The following GCGR variants were observed in gnomAD, a reference collection of about 807,000 sequenced individuals.
GCGR encodes glucagon receptor.
In GCGR, 41 loss-of-function variants were observed where a neutral mutation model predicts 56.1. That is an observed-to-expected ratio of 0.73 (90% CI 0.57 to 0.95). The LOEUF (loss-of-function observed/expected upper bound fraction) is 0.95, where lower values mean the gene tolerates loss of function less well. Ranked by LOEUF, GCGR falls within the 40% of genes least tolerant of loss-of-function variation. The probability of loss-of-function intolerance (pLI) is 0.00; values close to 1 mark genes in which losing one functional copy is unlikely to be tolerated. For synonymous variants in GCGR, 278 were observed against 271.1 expected (o/e 1.03, Z -0.25); for missense variants, 595 against 638.2 (o/e 0.93, Z 0.73).
intron 1 of GCGR, among the ~76,000 whole-genome samples, chr17:81,808,068 C>T (rs1453436544): frequency 6.6e-6 from 1 of 152,378 alleles, no homozygotes; most frequent in East Asian, 1.9e-4. Flanking sequence ...ACGGCACCCA[C>T]GAGGCACCTA....
Position 81,812,546 on chromosome 17 carries a change from G to A in GCGR, c.949-31G>A, listed in dbSNP as rs936436802. ...CACAGAGCTGTTCCCTGGGGCTCGG[G>A]ATGCCCCTGACTCGCACCCTTCTCA... On this transcript the variant is annotated intron_variant, in intron 10 of 13. Coordinates refer to ENST00000400723, the MANE Select transcript of GCGR (RefSeq NM_000160.5). The surrounding 1 kb of genome is among the most constrained non-coding windows in gnomAD (Gnocchi z 8.5). The A allele has an allele frequency of 5.2e-6, 8 of 1,525,476 alleles. No individual in the cohort carries two copies. The African/African-American group carries it at 9.6e-5, about 18-fold the overall frequency. The allele number at this position is 1,525,476 out of a possible 1,614,324, so 94.5% of individuals were successfully genotyped here. A position where few individuals can be genotyped will look rare whatever the true frequency, so the allele number is the denominator to read the frequency against.
Position 81,813,331 on chromosome 17 carries a change from A to G in GCGR, c.1219-143A>G, listed in dbSNP as rs532423562. 118 of 895,998 alleles carry G rather than the reference A, an allele frequency of 1.3e-4. No homozygotes were observed. The East Asian group carries it at 3.1e-3, about 24-fold the overall frequency. 55.5% of individuals were successfully genotyped at this position (895,998 alleles called of 1,614,324 possible). On this transcript the variant is annotated intron_variant, in intron 13 of 13. Coordinates refer to ENST00000400723, the MANE Select transcript of GCGR (RefSeq NM_000160.5). The surrounding 1 kb of genome is among the most constrained non-coding windows in gnomAD (Gnocchi z 5.3). Reference sequence around the variant, plus strand: ...TTTCCGTGGCGATGCTGGGTGGCATAGCTGTGCCCAGCAGGGAGCTTGTGT... The same window carrying G: ...TTTCCGTGGCGATGCTGGGTGGCATGGCTGTGCCCAGCAGGGAGCTTGTGT...
chr17:81,813,527 A>G lies in GCGR; in HGVS notation c.1272A>G (p.Leu424=). The G allele has an allele frequency of 6.5e-7, 1 of 1,536,000 alleles. No individual in the cohort carries two copies. Among genetic ancestry groups the G allele is most frequent in the South Asian group, 1.2e-5 (1 of 84,056 alleles). Residue 424 remains leucine, a synonymous_variant, in exon 14 of 14, where the codon CTA becomes CTG. Coordinates refer to ENST00000400723, the MANE Select transcript of GCGR (RefSeq NM_000160.5). The surrounding 1 kb of genome is among the most constrained non-coding windows in gnomAD (Gnocchi z 5.3). ...ACCGCTGGCGCCTGGGCAAAGTGCTATGGGAGGAGCGGAACACCAGCAACC... is the reference window on the plus strand; with the variant it reads ...ACCGCTGGCGCCTGGGCAAAGTGCTGTGGGAGGAGCGGAACACCAGCAACC... ...RWHRWRLGKV[L]WEERNTSNHR...
chr17:81,812,805 A>G lies in GCGR; in HGVS notation c.1038-2A>G. The G allele has an allele frequency of 2.6e-6, 4 of 1,535,624 alleles. No homozygotes were observed. Among genetic ancestry groups the G allele is most frequent in the African/African-American group, 1.4e-5 (1 of 73,114 alleles). ...TGGGTGACTCAGGCGCTGCCTCTGC[A>G]GGCTGGCCAAGTCCACGCTGACCCT... On this transcript the variant is annotated splice_acceptor_variant, in intron 11 of 13. Transcript: ENST00000400723. LOFTEE classifies it high-confidence loss of function. This position sits in a 1 kb window ranked among gnomAD's most constrained non-coding sequence, Gnocchi z 8.5.
At position 81,813,764 on chromosome 17, in the gene GCGR, C is replaced by T. The variant is rs1472988506; in HGVS notation, c.*75C>T. On this transcript the variant is annotated 3_prime_UTR_variant, in exon 14 of 14. Transcript: ENST00000400723. This position sits in a 1 kb window ranked among gnomAD's most constrained non-coding sequence, Gnocchi z 5.3. ...CGCTGGACAACCCAGAACTGGACGC[C>T]CAGCTGAGGCTGGGGGCGGGGGAGC... 3 of 1,408,752 alleles carry T rather than the reference C, an allele frequency of 2.1e-6. No individual in the cohort carries two copies. In the African/African-American group the frequency reaches 4.3e-5, roughly 20 times the overall value. The allele number at this position is 1,408,752 out of a possible 1,614,324, so 87.3% of individuals were successfully genotyped here.
Position 81,812,283 on chromosome 17 carries a change from C to T in GCGR, c.948+31C>T. 2.0e-6 allele frequency: 3 copies of T among 1,533,824 alleles called. No homozygotes were observed. The highest frequency in any genetic ancestry group is 1.2e-5 in the South Asian group (1 of 83,962). On this transcript the variant is annotated intron_variant, in intron 10 of 13. Transcript: ENST00000400723. This position sits in a 1 kb window ranked among gnomAD's most constrained non-coding sequence, Gnocchi z 8.5. ...GAAATGAAGAGCCAGGAGCGCACCC[C>T]AGGCCCCTCCTCCCTTGGCGTCCTG...
chr17:81,809,724 T>C, intron 2 of GCGR, 58 bp from the exon 3 acceptor site: 2 of 1,355,972 alleles, frequency 1.5e-6, no homozygotes, highest in East Asian at 2.5e-5. Flanking sequence ...TCTGTCTGCC[T>C]GTCTGTCTGC....
rs2037909223 is a variant in GCGR, at chr17:81,804,588, GC to G, written c.-178+343del. 6.6e-6 allele frequency among the ~76,000 whole-genome samples: 1 copy of G among 151,940 alleles called. No individual in the cohort carries two copies. The highest frequency in any genetic ancestry group is 1.5e-5 in the Non-Finnish European group (1 of 67,914). On this transcript the variant is annotated intron_variant, in intron 1 of 13. Coordinates refer to ENST00000400723, the MANE Select transcript of GCGR (RefSeq NM_000160.5). The surrounding 1 kb of genome is among the most constrained non-coding windows in gnomAD (Gnocchi z 8.2). ...GCAGCGGCCACACTCCCCACTCAGG[GC>G]CCCGGGCCCCGCCGCCCTGGGGAGC...
rs943615688 is a variant in GCGR at position 81,804,678 on chromosome 17, G to C, written c.-178+429G>C. On this transcript the variant is annotated intron_variant, in intron 1 of 13. Coordinates refer to ENST00000400723, the MANE Select transcript of GCGR (RefSeq NM_000160.5). This position sits in a 1 kb window ranked among gnomAD's most constrained non-coding sequence, Gnocchi z 8.2. ...CTCACCAGCGCTGTCTCCCCTCGGT[G>C]GGCTCCTGCCCCGAGGACTGCCCGG... 3.3e-5 allele frequency among the ~76,000 whole-genome samples: 5 copies of C among 152,106 alleles called. No individual in the cohort carries two copies. The highest frequency in any genetic ancestry group is 9.7e-5 in the African/African-American group (4 of 41,426).
rs1333839810 is a variant in GCGR, at chr17:81,811,047, C to T, written c.309C>T (p.Asp103=). The change falls in exon 5 of 14, where the codon GAC becomes GAT. Residue 103 remains aspartate (D), a synonymous_variant. Transcript: ENST00000400723. The surrounding 1 kb of genome is among the most constrained non-coding windows in gnomAD (Gnocchi z 5.8). ...HRFVFKRCGP[D]GQWVRGPRGQ... ...TCGTGTTCAAGAGATGCGGGCCCGA[C>T]GGTCAGTGGGTGCGTGGACCCCGGG... 77 of 1,536,208 alleles carry T rather than the reference C, an allele frequency of 5.0e-5. 1 individual carries two copies. Among genetic ancestry groups the T allele is most frequent in the East Asian group, 4.2e-4 (17 of 40,908 alleles).
At chr17:81,807,191 C>T (rs140831290) in intron 1 of GCGR, among the ~76,000 whole-genome samples, 18,889 of 152,234 alleles carry the variant, frequency 0.12, 1,542 homozygotes, top group Admixed American at 0.2. Flanking sequence ...CCGCTGTCTC[C>T]GCCAGGGAGA....
In GCGR at chr17:81,812,018, G is replaced by A. The variant is rs2038112374; in HGVS notation, c.878+72G>A. 1 of 1,528,252 alleles carries A rather than the reference G, an allele frequency of 6.5e-7. No homozygotes were observed. Among genetic ancestry groups the A allele is most frequent in the South Asian group, 1.2e-5 (1 of 83,862 alleles). 94.7% of individuals were successfully genotyped at this position (1,528,252 alleles called of 1,614,324 possible). Reference sequence around the variant, plus strand: ...GGTGCGGCGCTCTGGCCTGAGGCAGGGAGGGGCCGGGGATGAGCCTGGTGC... The same window carrying A: ...GGTGCGGCGCTCTGGCCTGAGGCAGAGAGGGGCCGGGGATGAGCCTGGTGC... On this transcript the variant is annotated intron_variant, in intron 9 of 13. Transcript: ENST00000400723. The surrounding 1 kb of genome is among the most constrained non-coding windows in gnomAD (Gnocchi z 8.5).
Position 81,811,013 on chromosome 17 carries a change from A to G in GCGR, c.275A>G (p.Gln92Arg). Residue 92 changes from glutamine (Q) to arginine (R), a missense_variant, in exon 5 of 14, where the codon CAA (glutamine) becomes CGA (arginine). Coordinates refer to ENST00000400723, the MANE Select transcript of GCGR (RefSeq NM_000160.5). The surrounding 1 kb of genome is among the most constrained non-coding windows in gnomAD (Gnocchi z 5.8). ...PWYLPWHHKVQHRFVFKRCGP... is the reference protein window; with the variant it reads ...PWYLPWHHKVRHRFVFKRCGP... ...CAGCCTCCCCCCACACCCCCAGTGC[A>G]ACACCGCTTCGTGTTCAAGAGATGC... The G allele has an allele frequency of 6.5e-7, 1 of 1,535,962 alleles. No homozygotes were observed. Among genetic ancestry groups the G allele is most frequent in the South Asian group, 1.2e-5 (1 of 84,058 alleles).
chr17:81,805,990 A>G (rs761112458), intron 1 of GCGR, among the ~76,000 whole-genome samples: 63 of 152,240 alleles, frequency 4.1e-4, no homozygotes, highest in Non-Finnish European at 6.8e-4. Context: ...GGTGAGATCA[A>G]CAGAGGAGCC....
In GCGR at chr17:81,809,950, G is replaced by T. The variant is rs184752900; in HGVS notation, c.163+66G>T. On this transcript the variant is annotated intron_variant, in intron 3 of 13. Coordinates refer to ENST00000400723, the MANE Select transcript of GCGR (RefSeq NM_000160.5). ...TCAGCACTTCCTGAGTTCTCTTCAT[G>T]GGAAGGTTCCTGGGTGCTTATGCAG... 79 of 1,261,762 alleles carry T rather than the reference G, an allele frequency of 6.3e-5. No homozygotes were observed. The African/African-American group carries it at 1.1e-3, about 17-fold the overall frequency. The allele number at this position is 1,261,762 out of a possible 1,614,324, so 78.2% of individuals were successfully genotyped here. A position where few individuals can be genotyped will look rare whatever the true frequency, so the allele number is the denominator to read the frequency against.
At position 81,804,152 on chromosome 17, in the gene GCGR, T is replaced by A. The variant is rs1245114790; in HGVS notation, c.-275T>A. On this transcript the variant is annotated 5_prime_UTR_variant, in exon 1 of 14. Coordinates refer to ENST00000400723, the MANE Select transcript of GCGR (RefSeq NM_000160.5). The surrounding 1 kb of genome is among the most constrained non-coding windows in gnomAD (Gnocchi z 8.2). Reference sequence around the variant, plus strand: ...GCCGGAAAGTTTGCACCGACCCCGATCTGGCAGCGCCGCGAAGACGAGCGG... The same window carrying A: ...GCCGGAAAGTTTGCACCGACCCCGAACTGGCAGCGCCGCGAAGACGAGCGG... 4.0e-5 allele frequency: 6 copies of A among 151,046 alleles called. No individual in the cohort carries two copies. The highest frequency in any genetic ancestry group is 7.4e-5 in the Non-Finnish European group (5 of 67,626). 9.4% of individuals were successfully genotyped at this position (151,046 alleles called of 1,614,324 possible). A position where few individuals can be genotyped will look rare whatever the true frequency, so the allele number is the denominator to read the frequency against.
rs1181507240 is a variant in GCGR, at chr17:81,809,903, G to A, written c.163+19G>A. The A allele has an allele frequency of 9.3e-6, 14 of 1,500,842 alleles. No homozygotes were observed. The highest frequency in any genetic ancestry group is 3.9e-5 in the Admixed American group (2 of 50,956). The allele number at this position is 1,500,842 out of a possible 1,614,324, so 93.0% of individuals were successfully genotyped here. On this transcript the variant is annotated intron_variant, in intron 3 of 13. Transcript: ENST00000400723. ...CCCACGGGTGAGCCCCCCACCCAGA[G>A]CCTTTCAGCCTGTGCCTGGCCTCAG...
At position 81,812,956 on chromosome 17, in the gene GCGR, G is replaced by A. The variant is rs1039703563; in HGVS notation, c.1176+11G>A. 29 of 1,535,524 alleles carry A rather than the reference G, an allele frequency of 1.9e-5. No homozygotes were observed. Among genetic ancestry groups the A allele is most frequent in the East Asian group, 4.9e-5 (2 of 40,890 alleles). ...CTCAGCTCCTTCCAGGTGCCCGCCC[G>A]CCCGCCGGCTCCCCCGCCCGGGGCG... On this transcript the variant is annotated intron_variant, in intron 12 of 13. Coordinates refer to ENST00000400723, the MANE Select transcript of GCGR (RefSeq NM_000160.5). The surrounding 1 kb of genome is among the most constrained non-coding windows in gnomAD (Gnocchi z 8.5).
intron 2 of GCGR, 101 bp downstream of exon 2, chr17:81,809,179 CCTGTCTGT>C: frequency 1.4e-6 from 2 of 1,382,428 alleles, no homozygotes; most frequent in African/African-American, 1.4e-5. Flanking sequence ...TGTCTGCCTG[CCTGTCTGT>C]CTGTCTGCCC....
Sources: allele counts gnomAD v4.1 joint callset (sites outside exome capture counted in the v4.1 genomes callset), GRCh38; gene constraint gnomAD v4.1.1; non-coding constraint Gnocchi (gnomAD v3.1); transcripts MANE v1.5; gene names NCBI Gene and HGNC (gene_info 2026-07-23, HGNC 2026-07-21).